The following NUMA1 variants were observed in gnomAD, a reference collection of about 807,000 sequenced individuals.
NUMA1 encodes nuclear mitotic apparatus protein 1, also known as SP-H antigen.
In NUMA1, 62 loss-of-function variants were observed where a neutral mutation model predicts 237.1. That is an observed-to-expected ratio of 0.26 (90% CI 0.21 to 0.32). The LOEUF (loss-of-function observed/expected upper bound fraction) is 0.32, where lower values mean the gene tolerates loss of function less well. Among genes scored for constraint, NUMA1 ranks in the 10% least tolerant of loss-of-function variants. The pLI is 1.00. For missense variants in NUMA1, 2,533 were observed against 2,666.5 expected, an observed-to-expected ratio of 0.95 and a Z score of 1.10; for synonymous variants, 1,028 against 1,066.1, an observed-to-expected ratio of 0.96 and a Z score of 0.70.
chr11:72,023,012 G>A, intron 6 of NUMA1, 53 bp downstream of exon 6: 18 of 1,333,044 alleles, frequency 1.4e-5, no homozygotes, highest in Middle Eastern at 2.0e-4. Context: ...GGTCCCTCAG[G>A]TACCATCACC....
rs773308468 is a variant in NUMA1 at position 72,013,589 on chromosome 11, C to T, written c.3914G>A (p.Arg1305Gln). 1.9e-6 allele frequency: 3 copies of T among 1,612,610 alleles called. No individual in the cohort carries two copies. The highest frequency in any genetic ancestry group is 2.2e-5 in the South Asian group (2 of 91,078). The change falls in exon 15 of 27, where the codon CGG becomes CAG. Residue 1305 changes from arginine to glutamine, a missense_variant. By Grantham distance (43) the Arg-to-Gln change is conservative. This residue lies in a region of NUMA1 where 324 missense variants were observed against 407.6 expected (regional missense o/e 0.79). Coordinates refer to ENST00000393695, the MANE Select transcript of NUMA1 (RefSeq NM_006185.4). This position sits in a 1 kb window ranked among gnomAD's most constrained non-coding sequence, Gnocchi z 6.8. ...CTGCCGCAGGTTCTCTGAAGCCACC[C>T]GCTGTTTCTCAGCCTCCTCCCGGAG... ...QSLREEAEKQ[R>Q]VASENLRQEL...
intron 16 of NUMA1, among the ~76,000 whole-genome samples, chr11:72,011,594 G>T (rs1956168019): frequency 6.6e-6 from 1 of 152,206 alleles, no homozygotes; most frequent in African/African-American, 2.4e-5. Context: ...TATTCACTTT[G>T]ATTGTCCCCC....
chr11:72,007,249 A>G lies in NUMA1; in HGVS notation c.5403T>C (p.Gly1801=). ...DSLGDVFLDS[G]RKTRSARRRT... Reference sequence around the variant, plus strand: ...GCCGACGAGCGGAGCGGGTCTTACGACCCGAGTCCAGGAAGACGTCTCCCA... The same window carrying G: ...GCCGACGAGCGGAGCGGGTCTTACGGCCCGAGTCCAGGAAGACGTCTCCCA... Residue 1801 remains glycine (G), a synonymous_variant, in exon 21 of 27, where the codon GGT becomes GGC. Coordinates refer to ENST00000393695, the MANE Select transcript of NUMA1 (RefSeq NM_006185.4). 1 of 1,612,694 alleles carries G rather than the reference A, an allele frequency of 6.2e-7. No homozygotes were observed. Among genetic ancestry groups the G allele is most frequent in the Non-Finnish European group, 8.5e-7 (1 of 1,179,740 alleles).
In NUMA1 at chr11:72,007,410, C is replaced by T. The variant is rs1366155202; in HGVS notation, c.5242G>A (p.Gly1748Ser). ...GCTGGTTCTCCAGGGACGCTGGTGC[C>T]GTCTGGCTGGGTACGAGGCAGCTTG... is the stretch of plus-strand genomic sequence containing the variant. ...TSKLPRTQPDGTSVPGEPASP... is the reference protein window; with the variant it reads ...TSKLPRTQPDSTSVPGEPASP... Residue 1748 changes from glycine (G) to serine (S), a missense_variant, in exon 21 of 27, where the codon GGC (glycine) becomes AGC (serine). Coordinates refer to ENST00000393695, the MANE Select transcript of NUMA1 (RefSeq NM_006185.4). 7 of 1,613,686 alleles carry T rather than the reference C, an allele frequency of 4.3e-6. No homozygotes were observed. The highest frequency in any genetic ancestry group is 1.3e-5 in the African/African-American group (1 of 75,020).
At position 72,009,881 on chromosome 11, in the gene NUMA1, T is replaced by A. The variant is rs970894693; in HGVS notation, c.4720-494A>T. 3.3e-5 allele frequency among the ~76,000 whole-genome samples: 5 copies of A among 152,336 alleles called. 1 individual carries two copies. In the Middle Eastern group the frequency reaches 0.01, roughly 311 times the overall value. ...ATTGACCAGAGTAACAGTGACTAAA[T>A]GGCAGAGTAAGATTTGGTCCACCTA... On this transcript the variant is annotated intron_variant, in intron 17 of 26. Coordinates refer to ENST00000393695, the MANE Select transcript of NUMA1 (RefSeq NM_006185.4).
At chr11:72,011,333 G>A (rs74360980) in intron 16 of NUMA1, among the ~76,000 whole-genome samples, 3,481 of 152,338 alleles carry the variant, frequency 0.023, 131 homozygotes, top group African/African-American at 0.08. Context: ...TCCACAGGCC[G>A]TTAGGGCTGG....
At chr11:72,041,090 T>TC (rs1435462615) in intron 2 of NUMA1, 2 of 152,140 alleles carry the variant, frequency 1.3e-5, no homozygotes, top group African/African-American at 2.4e-5. Flanking sequence ...GGTTTTCTTC[T>TC]CAGTCTGCCT....
chr11:72,052,736 T>G (rs1452833047), intron 2 of NUMA1, among the ~76,000 whole-genome samples: 1 of 151,776 alleles, frequency 6.6e-6, no homozygotes, highest in African/African-American at 2.4e-5. Context: ...TGCACTCCAG[T>G]CTGGTGTGCT....
intron 8 of NUMA1, chr11:72,020,573 A>G (rs1296532205): frequency 6.6e-6 from 1 of 152,104 alleles, no homozygotes; most frequent in Non-Finnish European, 1.5e-5. Flanking sequence ...CGGGAAAAAC[A>G]TTTTTTAAAA....
intron 3 of NUMA1, among the ~76,000 whole-genome samples, chr11:72,034,216 GA>G (rs1940714425): frequency 6.6e-6 from 1 of 152,080 alleles, no homozygotes; most frequent in Admixed American, 6.5e-5. Context: ...GCATGCCCAG[GA>G]AGTATTTTAA....
rs754731703 is a variant in NUMA1 at position 72,007,184 on chromosome 11, C to G, written c.5463+5G>C. 6.2e-7 allele frequency: 1 copy of G among 1,606,998 alleles called. No homozygotes were observed. The highest frequency in any genetic ancestry group is 1.1e-5 in the South Asian group (1 of 91,044). On this transcript the variant is annotated splice_donor_5th_base_variant and intron_variant, in intron 21 of 26. Coordinates refer to ENST00000393695, the MANE Select transcript of NUMA1 (RefSeq NM_006185.4). ...GCCCTGCAGCCCCTGTCCCAGCAGC[C>G]TGACCTTGGTCATGGTGATGTTGAT...
chr11:72,035,587 T>C (rs1940923796), intron 3 of NUMA1, among the ~76,000 whole-genome samples: 1 of 151,674 alleles, frequency 6.6e-6, no homozygotes. Flanking sequence ...TTTGTATTTT[T>C]AGTAGAGACG....
chr11:72,070,347 C>A (rs1943389430), intron 1 of NUMA1, among the ~76,000 whole-genome samples: 1 of 152,206 alleles, frequency 6.6e-6, no homozygotes. Flanking sequence ...GGCCTCAAGT[C>A]ATTTATTCAA....
intron 22 of NUMA1, chr11:72,005,717 G>A (rs1955639518): frequency 2.0e-6 from 1 of 498,056 alleles, no homozygotes; most frequent in African/African-American, 2.0e-5. Flanking sequence ...GAGCTTCCAA[G>A]AAGAGTCTGG....
In NUMA1 at chr11:72,015,234, G is replaced by C; in HGVS notation, c.2269C>G (p.Leu757Val). 1 of 1,613,498 alleles carries C rather than the reference G, an allele frequency of 6.2e-7. No homozygotes were observed. The highest frequency in any genetic ancestry group is 8.5e-7 in the Non-Finnish European group (1 of 1,180,024). ...TTGCGCCCAGCCCTCTCTTCTTCCA[G>C]CTCCTTTCGTTCCCGCTTATGCTGC... ...VEQHKRERKELEEERAGRKGL... is the reference protein window; with the variant it reads ...VEQHKRERKEVEEERAGRKGL... Residue 757 changes from leucine to valine, a missense_variant, in exon 15 of 27, where the codon CTG becomes GTG. By Grantham distance (32) the Leu-to-Val change is conservative. Coordinates refer to ENST00000393695, the MANE Select transcript of NUMA1 (RefSeq NM_006185.4). The surrounding 1 kb of genome is among the most constrained non-coding windows in gnomAD (Gnocchi z 4.0).
chr11:72,017,653 C>A, intron 13 of NUMA1, 34 bp downstream of exon 13: 2 of 1,611,098 alleles, frequency 1.2e-6, no homozygotes, highest in South Asian at 2.2e-5. Context: ...CACATGTGGT[C>A]AAGACTGTGG....
Position 72,007,239 on chromosome 11 carries a change from G to C in NUMA1, c.5413C>G (p.Arg1805Gly). The part of the protein sequence containing the change: ...DVFLDSGRKT[R>G]SARRRTTQII... Reference sequence around the variant, plus strand: ...TGCGTGGTGCGCCGACGAGCGGAGCGGGTCTTACGACCCGAGTCCAGGAAG... The same window carrying C: ...TGCGTGGTGCGCCGACGAGCGGAGCCGGTCTTACGACCCGAGTCCAGGAAG... The change falls in exon 21 of 27, where the codon CGC (arginine) becomes GGC (glycine). Residue 1805 changes from arginine to glycine, a missense_variant. Arg to Gly is a moderately radical substitution (Grantham distance 125, BLOSUM62 -2). Around this residue, in one of 3 missense-constraint regions of NUMA1, gnomAD observed 795 missense variants for 750.8 expected, o/e 1.06. Transcript: ENST00000393695. 6.2e-7 allele frequency: 1 copy of C among 1,612,984 alleles called. No individual in the cohort carries two copies. The highest frequency in any genetic ancestry group is 8.5e-7 in the Non-Finnish European group (1 of 1,179,936).
intron 3 of NUMA1, 117 bp from the exon 4 acceptor site, chr11:72,029,407 T>C (rs890764637): frequency 5.6e-6 from 3 of 534,472 alleles, no homozygotes; most frequent in Admixed American, 7.2e-5. Context: ...CAAGAACTGA[T>C]GATTCTCAGG....
chr11:72,029,279 T>C lies in NUMA1; in HGVS notation c.54A>G (p.Leu18=). 2 of 1,607,268 alleles carry C rather than the reference T, an allele frequency of 1.2e-6. No homozygotes were observed. Among genetic ancestry groups the C allele is most frequent in the Non-Finnish European group, 1.7e-6 (2 of 1,178,730 alleles). ...GAALLSWVNS[L]HVADPVEAVL... ...CAGCCTCCACAGGGTCAGCCACGTG[T>C]AGACTGTTCACCTGTAAATCAAAGG... The change falls in exon 4 of 27, where the codon CTA becomes CTG. Residue 18 remains leucine (L), a synonymous_variant. Transcript: ENST00000393695.
Sources: allele counts gnomAD v4.1 joint callset (sites outside exome capture counted in the v4.1 genomes callset), GRCh38; gene constraint gnomAD v4.1.1; regional missense constraint gnomAD v4.1.1; non-coding constraint Gnocchi (gnomAD v3.1); transcripts MANE v1.5; gene names NCBI Gene and HGNC (gene_info 2026-07-23, HGNC 2026-07-21).